Variants in PCGF5 observed in about 807,000 individuals in gnomAD.
PCGF5 encodes the protein polycomb group ring finger 5, also known as polycomb group RING finger protein 5.
A neutral mutation model predicts 44.3 loss-of-function variants in PCGF5; 9 were observed. The ratio of observed to expected loss-of-function variants is 0.20; its 90% CI spans 0.12 to 0.35. The LOEUF (loss-of-function observed/expected upper bound fraction) is 0.35. Among genes scored for constraint, PCGF5 ranks in the 10% least tolerant of loss-of-function variants. The pLI, the probability that PCGF5 is intolerant of heterozygous loss-of-function variation, is 1.00. For synonymous variants in PCGF5, 95 were observed against 102.5 expected (o/e 0.93, Z 0.44); for missense variants, 146 against 305.3 (o/e 0.48, Z 3.89).
intron 9 of PCGF5, 26 bp from the exon 10 acceptor site, chr10:91,278,243 A>C (rs756676950): frequency 1.3e-6 from 2 of 1,561,684 alleles, no homozygotes. Flanking sequence ...ATACAGTCTT[A>C]TTTATTATCT....
intron 1 of PCGF5, among the ~76,000 whole-genome samples, chr10:91,187,314 A>G (rs1843944119): frequency 6.6e-6 from 1 of 152,098 alleles, no homozygotes; most frequent in Non-Finnish European, 1.5e-5. Flanking sequence ...AGCTCTGCAC[A>G]CTTTTGCTGT....
At chr10:91,255,214 A>T (rs1845718142) in intron 6 of PCGF5, among the ~76,000 whole-genome samples, 2 of 152,208 alleles carry the variant, frequency 1.3e-5, no homozygotes, top group South Asian at 4.1e-4. Flanking sequence ...TTACAGGCAA[A>T]TGTTTCAACT....
chr10:91,252,346 C>T (rs1845640772), intron 6 of PCGF5, among the ~76,000 whole-genome samples: 1 of 151,752 alleles, frequency 6.6e-6, no homozygotes. Context: ...TGGCATTTTC[C>T]TATTAGGAAG....
intron 3 of PCGF5, 146 bp from the exon 4 acceptor site, chr10:91,248,359 C>T: frequency 5.4e-6 from 4 of 738,476 alleles, no homozygotes; most frequent in Non-Finnish European, 9.0e-6. Flanking sequence ...TAAGTGTGTT[C>T]CATGGACAGA....
Position 91,248,497 on chromosome 10 carries a change from T to G in PCGF5, c.210-8T>G, listed in dbSNP as rs1202838329. 2 of 1,609,856 alleles carry G rather than the reference T, an allele frequency of 1.2e-6. No individual in the cohort carries two copies. The highest frequency in any genetic ancestry group is 4.5e-5 in the East Asian group (2 of 44,812). ...TTGTTAGTATTTTCTTTCTCCCCCC[T>G]TTCGAAGGTTGGACAATACATTAGA... On this transcript the variant is annotated splice_region_variant and splice_polypyrimidine_tract_variant and intron_variant, in intron 3 of 9. Coordinates refer to ENST00000336126, the MANE Select transcript of PCGF5 (RefSeq NM_032373.5).
At chr10:91,211,957 T>G (rs979231845) in intron 1 of PCGF5, among the ~76,000 whole-genome samples, 3 of 152,194 alleles carry the variant, frequency 2.0e-5, no homozygotes, top group Non-Finnish European at 4.4e-5. Context: ...ACCACAAGGT[T>G]CCACTCCTGC....
chr10:91,197,561 C>A (rs190592293), intron 1 of PCGF5, among the ~76,000 whole-genome samples: 3 of 152,174 alleles, frequency 2.0e-5, no homozygotes, highest in African/African-American at 7.2e-5. Flanking sequence ...GCAATGGGGA[C>A]TCACCAAAGT....
chr10:91,166,409 A>T (rs1346765793), intron 1 of PCGF5, among the ~76,000 whole-genome samples: 1 of 152,224 alleles, frequency 6.6e-6, no homozygotes, highest in Non-Finnish European at 1.5e-5. Flanking sequence ...GGAAGTGAAA[A>T]AGCAGGAAAA....
At chr10:91,261,256 T>C (rs900789918) in intron 6 of PCGF5, 70 bp from the exon 7 acceptor site, 1 of 1,369,680 alleles carries the variant, frequency 7.3e-7, no homozygotes, top group Admixed American at 3.0e-5. Flanking sequence ...GTAGCTATGG[T>C]TTCACCAGAA....
At chr10:91,240,169 G>A (rs1462451993) in intron 2 of PCGF5, among the ~76,000 whole-genome samples, 3 of 152,218 alleles carry the variant, frequency 2.0e-5, no homozygotes, top group East Asian at 1.9e-4. Flanking sequence ...TTCTTTAAAT[G>A]AGAAGAACCT....
rs1407159050 is a variant in PCGF5, at chr10:91,209,482, C to T, written c.-183-13207C>T. ...GATTAAAAAGAAAAAGGAGGCCGGG[C>T]GCGGTGGCTCACGCCTGTAATCCCA... is the stretch of plus-strand genomic sequence containing the variant. On this transcript the variant is annotated intron_variant, in intron 1 of 9. Transcript: ENST00000614189. Among the ~76,000 whole-genome samples the T allele has an allele frequency of 2.0e-3, 2 of 992 alleles. 1 individual carries two copies. The highest frequency in any genetic ancestry group is 2.6e-3 in the Non-Finnish European group (2 of 780). The allele number at this position is 992 out of a possible 152,430, so 0.7% of individuals were successfully genotyped here.
At position 91,279,499 on chromosome 10, in the gene PCGF5, G is replaced by A. The variant is rs902610686; in HGVS notation, c.*1183G>A. On this transcript the variant is annotated 3_prime_UTR_variant, in exon 10 of 10. Transcript: ENST00000336126. ...ATTATTTTATACATGAGTTCATTAAGATCAGAAATACAAAATGTCCTGTAT... is the reference window on the plus strand; with the variant it reads ...ATTATTTTATACATGAGTTCATTAAAATCAGAAATACAAAATGTCCTGTAT... 1 of 152,118 alleles carries A rather than the reference G, an allele frequency of 6.6e-6. No homozygotes were observed. The highest frequency in any genetic ancestry group is 1.5e-5 in the Non-Finnish European group (1 of 67,974). The allele number at this position is 152,118 out of a possible 1,614,324, so 9.4% of individuals were successfully genotyped here.
At chr10:91,256,222 A>C (rs550248115) in intron 6 of PCGF5, among the ~76,000 whole-genome samples, 13 of 152,182 alleles carry the variant, frequency 8.5e-5, no homozygotes, top group African/African-American at 3.1e-4. Context: ...ACTATATGAA[A>C]ATACAAGAAT....
At position 91,282,718 on chromosome 10, in the gene PCGF5, T is replaced by G. The variant is rs1846483918; in HGVS notation, c.*4402T>G. On this transcript the variant is annotated 3_prime_UTR_variant, in exon 10 of 10. Transcript: ENST00000336126. ...AGGTCACTAGGTAAAACTCCTTGGA[T>G]AGGGTGAAAATGGATGCACACTCTA... 6.6e-6 allele frequency: 1 copy of G among 152,470 alleles called. No homozygotes were observed. Among genetic ancestry groups the G allele is most frequent in the Non-Finnish European group, 1.5e-5 (1 of 68,016 alleles). The allele number at this position is 152,470 out of a possible 1,614,324, so 9.4% of individuals were successfully genotyped here. A position where few individuals can be genotyped will look rare whatever the true frequency, so the allele number is the denominator to read the frequency against.
At chr10:91,255,308 A>G (rs1168228546) in intron 6 of PCGF5, among the ~76,000 whole-genome samples, 2 of 152,082 alleles carry the variant, frequency 1.3e-5, no homozygotes, top group East Asian at 1.9e-4. Flanking sequence ...GGAGAGTGAG[A>G]TGTCCCTAGG....
rs775485529 is a variant in PCGF5 at position 91,278,325 on chromosome 10, G to T, written c.*9G>T. 5.6e-6 allele frequency: 9 copies of T among 1,607,542 alleles called. No homozygotes were observed. In the South Asian group the frequency reaches 9.9e-5, roughly 18 times the overall value. On this transcript the variant is annotated 3_prime_UTR_variant, in exon 10 of 10. Coordinates refer to ENST00000336126, the MANE Select transcript of PCGF5 (RefSeq NM_032373.5). The stretch of plus-strand genomic sequence containing the variant: ...GAATTGATTTCGGTTAGACCAAGGG[G>T]CCCAGACCTCACTGAGATGAATCCT...
chr10:91,233,295 C>G (rs777815584), intron 2 of PCGF5, among the ~76,000 whole-genome samples: 5 of 152,184 alleles, frequency 3.3e-5, no homozygotes, highest in African/African-American at 7.2e-5. Flanking sequence ...CTAGACCTTT[C>G]AAGGTCTGCT....
upstream of PCGF5, among the ~76,000 whole-genome samples, chr10:91,158,038 T>G (rs1374051300): frequency 6.6e-6 from 1 of 152,228 alleles, no homozygotes; most frequent in Non-Finnish European, 1.5e-5. Flanking sequence ...TTTTTAAGAT[T>G]AAGACAAATG....
intron 1 of PCGF5, among the ~76,000 whole-genome samples, chr10:91,203,285 G>A (rs141383146): frequency 7.2e-5 from 11 of 152,244 alleles, no homozygotes; most frequent in South Asian, 2.1e-4. Context: ...TCTTTTTAGC[G>A]TTTTCTTGGA....
Sources: allele counts gnomAD v4.1 joint callset (sites outside exome capture counted in the v4.1 genomes callset), GRCh38; gene constraint gnomAD v4.1.1; transcripts MANE v1.5; gene names NCBI Gene and HGNC (gene_info 2026-07-23, HGNC 2026-07-21).